AGBL4: variants seen among roughly 807,000 people sequenced by gnomAD.
The protein encoded by AGBL4 is cytosolic carboxypeptidase 6.
In AGBL4, 58 loss-of-function variants were observed where a neutral mutation model predicts 66.4. That is an observed-to-expected ratio of 0.87 (90% CI 0.71 to 1.09). AGBL4 has a LOEUF of 1.09. AGBL4 is among the 50% of genes least tolerant of loss of function. The pLI is 0.00. For missense variants in AGBL4, 579 were observed against 631.0 expected, an observed-to-expected ratio of 0.92 and a Z score of 0.88; for synonymous variants, 234 against 222.9, an observed-to-expected ratio of 1.05 and a Z score of -0.44.
chr1:49,748,724 A>G (rs541020738), intron 2 of AGBL4, among the ~76,000 whole-genome samples: 2 of 152,190 alleles, frequency 1.3e-5, no homozygotes, highest in African/African-American at 4.8e-5. Flanking sequence ...ATGGTATTTC[A>G]TTGTGGTTTT....
chr1:49,312,898 A>G (rs575854778), intron 3 of AGBL4, among the ~76,000 whole-genome samples: 14 of 152,164 alleles, frequency 9.2e-5, no homozygotes, highest in Non-Finnish European at 1.9e-4. Context: ...TACTTTTTTT[A>G]TGTTCTGGGA....
At chr1:48,913,379 G>A (rs1653312336) in intron 5 of AGBL4, among the ~76,000 whole-genome samples, 1 of 152,320 alleles carries the variant, frequency 6.6e-6, no homozygotes, top group Non-Finnish European at 1.5e-5. Context: ...TCTGTGTCCT[G>A]TTAGGAACTG....
chr1:49,009,390 C>T (rs1190855486), intron 5 of AGBL4, among the ~76,000 whole-genome samples: 24 of 150,354 alleles, frequency 1.6e-4, no homozygotes, highest in East Asian at 7.9e-4. Context: ...TAATCAATAG[C>T]TTACCAACCA....
intron 2 of AGBL4, among the ~76,000 whole-genome samples, chr1:49,823,381 G>T (rs1439600873): frequency 6.6e-6 from 1 of 152,044 alleles, no homozygotes; most frequent in Non-Finnish European, 1.5e-5. Context: ...GAATATCATG[G>T]GCCCAACTGA....
At chr1:49,148,616 T>A (rs1048745435) in intron 4 of AGBL4, among the ~76,000 whole-genome samples, 3 of 152,202 alleles carry the variant, frequency 2.0e-5, no homozygotes, top group Admixed American at 1.3e-4. Context: ...CCAAGCAGGA[T>A]GTCCTGAGCC....
intron 3 of AGBL4, among the ~76,000 whole-genome samples, chr1:49,279,069 T>C (rs892415211): frequency 6.6e-6 from 1 of 152,142 alleles, no homozygotes; most frequent in Admixed American, 6.5e-5. Context: ...AGAGAATATA[T>C]TGTGGATTGC....
intron 10 of AGBL4, 85 bp downstream of exon 10, chr1:48,590,748 A>C: frequency 1.7e-5 from 25 of 1,448,576 alleles, no homozygotes; most frequent in Non-Finnish European, 2.2e-5. Context: ...CGTGGAGCTT[A>C]AAGCAAACTG....
intron 3 of AGBL4, among the ~76,000 whole-genome samples, chr1:49,560,881 G>A (rs981899423): frequency 6.6e-6 from 1 of 152,000 alleles, no homozygotes; most frequent in African/African-American, 2.4e-5. Flanking sequence ...TAAACATGAA[G>A]AGGGAATAAA....
intron 6 of AGBL4, among the ~76,000 whole-genome samples, chr1:48,676,223 C>T (rs116811133): frequency 6.6e-6 from 1 of 152,254 alleles, no homozygotes; most frequent in Non-Finnish European, 1.5e-5. Context: ...ATTTCAGAAA[C>T]CTTCAGTCCT....
At chr1:49,816,297 C>T (rs1271839545) in intron 2 of AGBL4, among the ~76,000 whole-genome samples, 1 of 152,094 alleles carries the variant, frequency 6.6e-6, no homozygotes, top group East Asian at 1.9e-4. Flanking sequence ...AAGAGAGTGG[C>T]CCCAGCAAGA....
At chr1:49,329,496 T>C (rs1020995647) in intron 3 of AGBL4, among the ~76,000 whole-genome samples, 4 of 151,690 alleles carry the variant, frequency 2.6e-5, no homozygotes, top group Admixed American at 1.3e-4. Flanking sequence ...CAAAACCCCA[T>C]CTCTTCTGAA....
intron 5 of AGBL4, among the ~76,000 whole-genome samples, chr1:48,899,171 A>ACGC (rs1467895023): frequency 6.6e-6 from 1 of 152,164 alleles, no homozygotes; most frequent in Non-Finnish European, 1.5e-5. Flanking sequence ...AGCCCGAGTG[A>ACGC]CGCCTGGCGT....
chr1:48,812,157 C>T (rs1475646792), intron 6 of AGBL4, among the ~76,000 whole-genome samples: 1 of 152,240 alleles, frequency 6.6e-6, no homozygotes, highest in East Asian at 1.9e-4. Flanking sequence ...TCAAAATGGA[C>T]AGAAGTTCCC....
At chr1:48,955,725 G>A (rs1385784586) in intron 5 of AGBL4, among the ~76,000 whole-genome samples, 2 of 152,152 alleles carry the variant, frequency 1.3e-5, no homozygotes, top group African/African-American at 2.4e-5. Context: ...TTGAAAAAAC[G>A]AGAAGCTAGG....
chr1:49,037,780 C>A (rs1032760894), intron 5 of AGBL4, among the ~76,000 whole-genome samples: 1 of 151,932 alleles, frequency 6.6e-6, no homozygotes, highest in Admixed American at 6.6e-5. Flanking sequence ...TTTTCAGGGA[C>A]AGAATGTGTT....
At chr1:49,963,625 C>A (rs1657302047) in intron 1 of AGBL4, among the ~76,000 whole-genome samples, 1 of 152,046 alleles carries the variant, frequency 6.6e-6, no homozygotes, top group Admixed American at 6.6e-5. Context: ...TACTTTGCTG[C>A]CTGAGATTTC....
At chr1:49,997,535 A>T (rs2148413615) in intron 1 of AGBL4, among the ~76,000 whole-genome samples, 1 of 152,288 alleles carries the variant, frequency 6.6e-6, no homozygotes. Flanking sequence ...TGCACCTAAC[A>T]CTGGAGCTCC....
chr1:49,284,333 G>C (rs1644353969), intron 3 of AGBL4, among the ~76,000 whole-genome samples: 1 of 151,950 alleles, frequency 6.6e-6, no homozygotes, highest in African/African-American at 2.4e-5. Context: ...GAGAGATTTT[G>C]TCACCACCAG....
intron 8 of AGBL4, among the ~76,000 whole-genome samples, chr1:48,652,659 G>A (rs1341411308): frequency 1.3e-5 from 2 of 152,178 alleles, no homozygotes; most frequent in African/African-American, 4.8e-5. Flanking sequence ...GGGCAAGTCA[G>A]CTTAATGTGA....
Sources: allele counts gnomAD v4.1 joint callset (sites outside exome capture counted in the v4.1 genomes callset), GRCh38; gene constraint gnomAD v4.1.1; transcripts MANE v1.5; gene names NCBI Gene and HGNC (gene_info 2026-07-23, HGNC 2026-07-21).